The following GPAM variants were observed in gnomAD, a reference collection of about 807,000 sequenced individuals.
GPAM encodes glycerol-3-phosphate acyltransferase, mitochondrial, also known as glycerol-3-phosphate acyltransferase 1, mitochondrial.
GPAM carries 56 observed loss-of-function variants against 105.0 expected under a neutral mutation model. The ratio of observed to expected loss-of-function variants is 0.53; its 90% CI spans 0.43 to 0.67. The LOEUF is 0.67. Ranked by LOEUF, GPAM falls within the 30% of genes least tolerant of loss-of-function variation. The pLI, the probability that GPAM is intolerant of heterozygous loss-of-function variation, is 0.00. For missense variants in GPAM, 855 were observed against 989.8 expected, an observed-to-expected ratio of 0.86 and a Z score of 1.83; for synonymous variants, 368 against 354.4, an observed-to-expected ratio of 1.04 and a Z score of -0.43.
At chr10:112,162,177 G>A (rs922850753) in intron 14 of GPAM, among the ~76,000 whole-genome samples, 1 of 152,200 alleles carries the variant, frequency 6.6e-6, no homozygotes, top group Non-Finnish European at 1.5e-5. Context: ...CGAAGGTGTA[G>A]TAGAAGGATA....
rs981879057 is a variant in GPAM at position 112,175,463 on chromosome 10, A to G, written c.413+137T>C. 8.8e-6 allele frequency: 6 copies of G among 682,326 alleles called. No homozygotes were observed. In the African/African-American group the frequency reaches 1.1e-4, roughly 12 times the overall value. 42.3% of individuals were successfully genotyped at this position (682,326 alleles called of 1,614,324 possible). ...TCTTTAGTTTCCTTTGGAGCTTAACATTTAATGTTTGGAAATGTGAACACT... is the reference window on the plus strand; with the variant it reads ...TCTTTAGTTTCCTTTGGAGCTTAACGTTTAATGTTTGGAAATGTGAACACT... On this transcript the variant is annotated intron_variant, in intron 6 of 21. Transcript: ENST00000348367.
In GPAM at chr10:112,191,759, G is replaced by C. The variant is rs1450066107; in HGVS notation, n.211-8868C>G. On this transcript the variant is annotated intron_variant and non_coding_transcript_variant, in intron 1 of 3. Coordinates refer to the GPAM transcript ENST00000480130. ...CTCATGGACTCAAGCTGGATTGTGG[G>C]AGGAGAGATTGTCCAAGAAAAGAGT... Among the ~76,000 whole-genome samples, 3 of 152,276 alleles carry C rather than the reference G, an allele frequency of 2.0e-5. No homozygotes were observed. In the East Asian group the frequency reaches 5.8e-4, roughly 30 times the overall value.
At chr10:112,190,973 G>T (rs905338004) in intron 1 of GPAM, among the ~76,000 whole-genome samples, 4 of 152,092 alleles carry the variant, frequency 2.6e-5, no homozygotes, top group African/African-American at 9.7e-5. Context: ...TTGCTTCCAA[G>T]TCTTAAAGAA....
chr10:112,161,007 C>A, intron 15 of GPAM, 139 bp from the exon 16 acceptor site: 2 of 729,050 alleles, frequency 2.7e-6, no homozygotes, highest in East Asian at 5.3e-5. Flanking sequence ...AGGGCCAGAA[C>A]ACCAATGCAG....
At chr10:112,218,698 T>C (rs1292252062), upstream of GPAM, among the ~76,000 whole-genome samples, 1 of 152,194 alleles carries the variant, frequency 6.6e-6, no homozygotes, top group African/African-American at 2.4e-5. Context: ...CTTGATTATA[T>C]GCTAAACAAG....
At chr10:112,168,244 T>C (rs1037902090) in intron 11 of GPAM, 68 bp downstream of exon 11, 59 of 937,014 alleles carry the variant, frequency 6.3e-5, no homozygotes, top group Non-Finnish European at 1.0e-4. Context: ...TAAAAGCAAA[T>C]GTAAATTCTA....
intron 13 of GPAM, among the ~76,000 whole-genome samples, 177 bp downstream of exon 13, chr10:112,164,348 A>G (rs1847176087): frequency 6.6e-6 from 1 of 152,244 alleles, no homozygotes; most frequent in Non-Finnish European, 1.5e-5. Flanking sequence ...ATAATTAAAA[A>G]CTTCCAAACT....
In GPAM at chr10:112,172,922, T is replaced by G. The variant is rs550149977; in HGVS notation, c.657+48A>C. On this transcript the variant is annotated intron_variant, in intron 8 of 21. Transcript: ENST00000348367. ...ATTTCCACAAGAACCCTAAAACCAC[T>G]CTACAATTGAGGGGAAAATGGGGTA... The G allele has an allele frequency of 5.1e-6, 5 of 985,606 alleles. No individual in the cohort carries two copies. The South Asian group carries it at 5.1e-5, about 10-fold the overall frequency. 61.1% of individuals were successfully genotyped at this position (985,606 alleles called of 1,614,324 possible).
At chr10:112,190,556 C>G (rs1382910706) in intron 1 of GPAM, among the ~76,000 whole-genome samples, 1 of 151,688 alleles carries the variant, frequency 6.6e-6, no homozygotes, top group Admixed American at 6.6e-5. Flanking sequence ...GAAAGAAACC[C>G]CTCTGACTTA....
chr10:112,164,497 T>C, intron 13 of GPAM, 28 bp downstream of exon 13: 2 of 1,101,094 alleles, frequency 1.8e-6, no homozygotes, highest in South Asian at 1.2e-5. Context: ...GTAGCTTGAT[T>C]AGCATTAAAC....
At chr10:112,173,926 T>C in intron 6 of GPAM, 81 bp from the exon 7 acceptor site, 1 of 1,139,996 alleles carries the variant, frequency 8.8e-7, no homozygotes, top group South Asian at 1.2e-5. Flanking sequence ...ACTGCAGCTG[T>C]AAATCACAAA....
In GPAM at chr10:112,161,677, C is replaced by G; in HGVS notation, c.1484G>C (p.Arg495Thr). ...THIVACLLLYRHRQGIDLSTL... is the reference protein window; with the variant it reads ...THIVACLLLYTHRQGIDLSTL... The stretch of plus-strand genomic sequence containing the variant: ...ACATTGCAGACATACCTGCCTGTGT[C>G]TGTAGAGGAGCAGGCAAGCCACAAT... The change falls in exon 15 of 22, where the codon AGA (arginine) becomes ACA (threonine). Residue 495 changes from arginine (R) to threonine (T), a missense_variant. Coordinates refer to ENST00000348367, the MANE Select transcript of GPAM (RefSeq NM_001244949.2). The G allele has an allele frequency of 6.2e-7, 1 of 1,612,982 alleles. No individual in the cohort carries two copies. The highest frequency in any genetic ancestry group is 8.5e-7 in the Non-Finnish European group (1 of 1,179,360).
intron 3 of GPAM, 35 bp downstream of exon 3, chr10:112,181,648 A>T: frequency 8.9e-7 from 1 of 1,123,168 alleles, no homozygotes; most frequent in Non-Finnish European, 1.4e-6. Context: ...GAACATTTTT[A>T]GGCTGAGTGC....
chr10:112,224,485 G>T, the GPAM span, among the ~76,000 whole-genome samples: 2 of 152,132 alleles, frequency 1.3e-5, no homozygotes, highest in Admixed American at 6.5e-5. Context: ...TTCCTCCACT[G>T]CAAGACACAG....
At chr10:112,176,375 G>C (rs1298994725) in intron 5 of GPAM, among the ~76,000 whole-genome samples, 3 of 152,186 alleles carry the variant, frequency 2.0e-5, no homozygotes, top group African/African-American at 7.2e-5. Flanking sequence ...TGGGAGGATG[G>C]AGAGATGAGT....
At chr10:112,210,777 GC>G (rs1297985007) in intron 1 of GPAM, among the ~76,000 whole-genome samples, 4 of 152,142 alleles carry the variant, frequency 2.6e-5, no homozygotes, top group Non-Finnish European at 5.9e-5. Context: ...ATGCTAACCA[GC>G]CATTTGTAAG....
chr10:112,213,627 C>T (rs946454688), intron 1 of GPAM, among the ~76,000 whole-genome samples: 5 of 151,930 alleles, frequency 3.3e-5, no homozygotes, highest in African/African-American at 1.2e-4. Context: ...TTCAGGGGAC[C>T]CTAACCTCAT....
intron 1 of GPAM, among the ~76,000 whole-genome samples, chr10:112,212,351 C>T (rs1437512805): frequency 6.6e-6 from 1 of 152,136 alleles, no homozygotes; most frequent in Non-Finnish European, 1.5e-5. Context: ...CAAGCTCTGC[C>T]TCCTGGGTTC....
At chr10:112,154,806 A>G (rs905857694) in intron 20 of GPAM, 119 bp from the exon 21 acceptor site, 9 of 851,918 alleles carry the variant, frequency 1.1e-5, no homozygotes, top group East Asian at 7.9e-5. Flanking sequence ...GTCAGCAGAC[A>G]AGGGTGGGGC....
Sources: gnomAD v4.1 joint callset for allele counts (sites outside exome capture counted in the v4.1 genomes callset) on GRCh38, gnomAD v4.1.1 for gene constraint, MANE v1.5 for transcripts, NCBI Gene and HGNC (gene_info 2026-07-23, HGNC 2026-07-21) for gene names.